Variants in ALDH18A1 observed in about 807,000 individuals in gnomAD.
The protein encoded by ALDH18A1 is delta-1-pyrroline-5-carboxylate synthase.
A neutral mutation model predicts 88.8 loss-of-function variants in ALDH18A1; 44 were observed. That is an observed-to-expected ratio of 0.50 (90% CI 0.39 to 0.64). ALDH18A1 has a LOEUF of 0.64. ALDH18A1 is among the 30% of genes least tolerant of loss of function. The pLI is 0.00. For synonymous variants in ALDH18A1, 331 were observed against 372.1 expected (o/e 0.89, Z 1.27); for missense variants, 782 against 1,009.5 (o/e 0.77, Z 3.05).
At chr10:95,633,131 G>T in intron 6 of ALDH18A1, 82 bp from the exon 7 acceptor site, 1 of 1,308,898 alleles carries the variant, frequency 7.6e-7, no homozygotes. Context: ...GCCAAGCTCA[G>T]GCAAAACCAA....
At chr10:95,614,241 TAAAC>T in intron 13 of ALDH18A1, 80 bp from the exon 14 acceptor site, 13 of 1,406,078 alleles carry the variant, frequency 9.2e-6, no homozygotes, top group Non-Finnish European at 1.2e-5. Context: ...CTTTTACAGA[TAAAC>T]ATCTGTACAC....
chr10:95,609,551 G>A (rs533236472), intron 17 of ALDH18A1, among the ~76,000 whole-genome samples: 42 of 152,304 alleles, frequency 2.8e-4, no homozygotes, highest in African/African-American at 9.9e-4. Context: ...GAGAACCCAG[G>A]CTTTGGACTT....
At chr10:95,654,384 C>T (rs894319525) in intron 1 of ALDH18A1, among the ~76,000 whole-genome samples, 6 of 152,012 alleles carry the variant, frequency 3.9e-5, no homozygotes, top group East Asian at 1.9e-4. Flanking sequence ...AGGATGGTCT[C>T]GATCTCCTGA....
At chr10:95,626,877 G>T in intron 9 of ALDH18A1, 101 bp from the exon 10 acceptor site, 1 of 1,178,698 alleles carries the variant, frequency 8.5e-7, no homozygotes. Context: ...AGCTCATCAC[G>T]CCCACAGAAG....
At chr10:95,646,444 A>G (rs990474594) in intron 2 of ALDH18A1, among the ~76,000 whole-genome samples, 2 of 152,158 alleles carry the variant, frequency 1.3e-5, no homozygotes, top group African/African-American at 2.4e-5. Context: ...TTAGGGTTCA[A>G]GAGGAGGTCA....
intron 12 of ALDH18A1, among the ~76,000 whole-genome samples, chr10:95,619,277 C>T (rs975246835): frequency 3.3e-5 from 5 of 151,958 alleles, no homozygotes; most frequent in East Asian, 1.9e-4. Flanking sequence ...CACTGCTCCA[C>T]GAAATAAAAG....
At chr10:95,619,368 GTAATT>G (rs1183156796) in intron 12 of ALDH18A1, among the ~76,000 whole-genome samples, 1 of 152,138 alleles carries the variant, frequency 6.6e-6, no homozygotes, top group Non-Finnish European at 1.5e-5. Context: ...ACTGCCCAAG[GTAATT>G]TATAGATTCG....
Position 95,613,694 on chromosome 10 carries a change from C to G in ALDH18A1, c.1923+48G>C, listed in dbSNP as rs759357733. ...TATGGCTGTGCCTGGTCTAATTCCACAGGCTTCTAAGACAGGAAGTAATGT... is the reference window on the plus strand; with the variant it reads ...TATGGCTGTGCCTGGTCTAATTCCAGAGGCTTCTAAGACAGGAAGTAATGT... On this transcript the variant is annotated intron_variant, in intron 15 of 17. Coordinates refer to ENST00000371224, the MANE Select transcript of ALDH18A1 (RefSeq NM_002860.4). 4 of 1,611,852 alleles carry G rather than the reference C, an allele frequency of 2.5e-6. No homozygotes were observed. The South Asian group carries it at 4.4e-5, about 18-fold the overall frequency.
At chr10:95,628,528 A>G in intron 7 of ALDH18A1, 36 bp from the exon 8 acceptor site, 1 of 1,607,694 alleles carries the variant, frequency 6.2e-7, no homozygotes, top group East Asian at 2.2e-5. Context: ...TACTGCTTTG[A>G]TGGAAGTGTC....
intron 7 of ALDH18A1, among the ~76,000 whole-genome samples, chr10:95,631,742 C>CAAAAAAAAAAAAAAAA (rs71034341): frequency 1.3e-5 from 1 of 76,480 alleles, no homozygotes; most frequent in Non-Finnish European, 2.5e-5. Flanking sequence ...GGCTCTGCCT[C>CAAAAAAAAAAAAAAAA]AAAAAAAAAA....
chr10:95,621,392 C>T (rs1232152041), intron 11 of ALDH18A1, 141 bp from the exon 12 acceptor site: 3 of 740,708 alleles, frequency 4.1e-6, no homozygotes, highest in Admixed American at 2.5e-5. Context: ...TGATCTAGGC[C>T]CAATGCAACC....
At position 95,643,231 on chromosome 10, in the gene ALDH18A1, A is replaced by AG. The variant is rs765602765; in HGVS notation, c.89-26dup. The AG allele has an allele frequency of 2.5e-6, 4 of 1,607,056 alleles. No individual in the cohort carries two copies. The African/African-American group carries it at 5.3e-5, about 21-fold the overall frequency. On this transcript the variant is annotated intron_variant, in intron 2 of 17. Coordinates refer to ENST00000371224, the MANE Select transcript of ALDH18A1 (RefSeq NM_002860.4). ...TCTGTAGCCATCAAAGTCAAATGCA[A>AG]GAAAAAAAGAAATACTCAATATAGT...
Position 95,625,430 on chromosome 10 carries a change from G to T in ALDH18A1, c.1178C>A (p.Ala393Asp). 2 of 1,613,894 alleles carry T rather than the reference G, an allele frequency of 1.2e-6. No individual in the cohort carries two copies. Residue 393 changes from alanine (A) to aspartate (D), a missense_variant, in exon 11 of 18, where the codon GCT becomes GAT. Physicochemically the swap from Ala to Asp is moderately radical, Grantham distance 126 (BLOSUM62 -2). Transcript: ENST00000371224. ...ATCACGCTGGTCCGTCAACAGATCA[G>T]CCAGATGATGGATAATTTCTGCTCT... ...EQRAEIIHHL[A>D]DLLTDQRDEI...
rs896320091 is a variant in ALDH18A1, at chr10:95,643,789, A to AT, written c.89-584dup. Among the ~76,000 whole-genome samples the AT allele has an allele frequency of 1.5e-4, 22 of 151,326 alleles. No individual in the cohort carries two copies. The South Asian group carries it at 1.5e-3, about 10-fold the overall frequency. On this transcript the variant is annotated intron_variant, in intron 2 of 17. Transcript: ENST00000371224. ...TTCCAAGTTTATGCAGTAAAGATGC[A>AT]TTTTTTTTTCATAATCAGAAAAATA... is the stretch of plus-strand genomic sequence containing the variant.
intron 3 of ALDH18A1, among the ~76,000 whole-genome samples, chr10:95,640,205 T>C (rs1377662016): frequency 1.4e-5 from 2 of 147,416 alleles, no homozygotes; most frequent in Admixed American, 1.3e-4. Context: ...AATGTGTGTC[T>C]CTTCCCCTTT....
chr10:95,627,414 C>T (rs778000321), intron 9 of ALDH18A1, 28 bp downstream of exon 9: 25 of 1,613,872 alleles, frequency 1.5e-5, no homozygotes, highest in Non-Finnish European at 2.1e-5. Flanking sequence ...CCATCACAGG[C>T]CTTGGGACCT....
intron 11 of ALDH18A1, among the ~76,000 whole-genome samples, chr10:95,621,657 A>G (rs1391952315): frequency 6.6e-6 from 1 of 152,096 alleles, no homozygotes; most frequent in Non-Finnish European, 1.5e-5. Flanking sequence ...GGACTGCATT[A>G]GGAACAGACT....
rs2097821958 is a variant in ALDH18A1, at chr10:95,606,036, AC to A, written c.*725del. 6.2e-6 allele frequency: 1 copy of A among 161,004 alleles called. No homozygotes were observed. The highest frequency in any genetic ancestry group is 1.3e-5 in the Non-Finnish European group (1 of 76,046). 10.0% of individuals were successfully genotyped at this position (161,004 alleles called of 1,614,324 possible). Reference sequence around the variant, plus strand: ...TGTTTTGGAGGAAAAGGGTAGGACGACAAAATAATTCATACAAAAATTTCAA... The same window carrying A: ...TGTTTTGGAGGAAAAGGGTAGGACGAAAAATAATTCATACAAAAATTTCAA... On this transcript the variant is annotated 3_prime_UTR_variant, in exon 18 of 18. Transcript: ENST00000371224.
At chr10:95,627,068 ATG>A (rs1589519288) in intron 9 of ALDH18A1, among the ~76,000 whole-genome samples, 1 of 152,246 alleles carries the variant, frequency 6.6e-6, no homozygotes, top group East Asian at 1.9e-4. Flanking sequence ...ATATTTTTTA[ATG>A]TGTTTACACT....
Sources: gnomAD v4.1 joint callset for allele counts (sites outside exome capture counted in the v4.1 genomes callset) on GRCh38, gnomAD v4.1.1 for gene constraint, MANE v1.5 for transcripts, NCBI Gene and HGNC (gene_info 2026-07-23, HGNC 2026-07-21) for gene names.